Variants in MROH9 observed in about 807,000 individuals in gnomAD.
MROH9 encodes the protein maestro heat-like repeat-containing protein family member 9.
A neutral mutation model predicts 98.2 loss-of-function variants in MROH9; 92 were observed. The ratio of observed to expected loss-of-function variants is 0.94; its 90% CI spans 0.79 to 1.11. The LOEUF (loss-of-function observed/expected upper bound fraction) is 1.11. Ranked by LOEUF, MROH9 falls within the 50% of genes most tolerant of loss-of-function variation. MROH9 has a pLI of 0.00. For synonymous variants in MROH9, 397 were observed against 368.9 expected, an observed-to-expected ratio of 1.08 and a Z score of -0.87; for missense variants, 1,057 against 1,014.8, an observed-to-expected ratio of 1.04 and a Z score of -0.57.
intron 8 of MROH9, among the ~76,000 whole-genome samples, chr1:170,973,514 C>T (rs1275227391): frequency 6.6e-6 from 1 of 151,848 alleles, no homozygotes; most frequent in Admixed American, 6.6e-5. Context: ...AAGAATACCC[C>T]TAGAAATAAA....
chr1:170,959,350 G>A (rs1296985923), intron 4 of MROH9, 112 bp from the exon 5 acceptor site: 1 of 987,978 alleles, frequency 1.0e-6, no homozygotes, highest in Non-Finnish European at 1.4e-6. Flanking sequence ...ACTCCAGCCT[G>A]GGTGACAGAG....
chr1:170,978,710 G>T (rs1445357662), intron 8 of MROH9, among the ~76,000 whole-genome samples: 1 of 151,978 alleles, frequency 6.6e-6, no homozygotes. Context: ...GGGGACAGGT[G>T]GGAGCAGGGT....
At chr1:171,039,227 T>C (rs1653214327) in intron 20 of MROH9, among the ~76,000 whole-genome samples, 2 of 152,216 alleles carry the variant, frequency 1.3e-5, no homozygotes, top group Admixed American at 1.3e-4. Context: ...GTAGGTCTTT[T>C]TGCATAATGT....
At chr1:170,994,727 C>A (rs1651493607) in intron 12 of MROH9, among the ~76,000 whole-genome samples, 2 of 152,068 alleles carry the variant, frequency 1.3e-5, no homozygotes, top group African/African-American at 4.8e-5. Flanking sequence ...CATTAACCAT[C>A]CCCACCTCCC....
At chr1:171,016,600 C>A (rs1652335608) in intron 17 of MROH9, among the ~76,000 whole-genome samples, 1 of 152,046 alleles carries the variant, frequency 6.6e-6, no homozygotes, top group African/African-American at 2.4e-5. Flanking sequence ...TACTGATTAA[C>A]CCTATATCTG....
chr1:170,960,832 T>C lies in MROH9; in HGVS notation c.289-1058T>C, dbSNP rs545533169. Among the ~76,000 whole-genome samples, 3 of 152,302 alleles carry C rather than the reference T, an allele frequency of 2.0e-5. No individual in the cohort carries two copies. The South Asian group carries it at 6.2e-4, about 32-fold the overall frequency. On this transcript the variant is annotated intron_variant, in intron 5 of 21. Coordinates refer to ENST00000367759, the MANE Select transcript of MROH9 (RefSeq NM_001163629.2). ...TTTATAGAGATGAGTTCTCACTATGTTGTCCAAGCTGGTCTCAAACTCCTG... is the reference window on the plus strand; with the variant it reads ...TTTATAGAGATGAGTTCTCACTATGCTGTCCAAGCTGGTCTCAAACTCCTG...
At chr1:170,964,960 T>C (rs1484269938) in intron 6 of MROH9, among the ~76,000 whole-genome samples, 191 bp from the exon 7 acceptor site, 1 of 152,048 alleles carries the variant, frequency 6.6e-6, no homozygotes, top group South Asian at 2.1e-4. Flanking sequence ...AAAACCCAGA[T>C]ACAGTTTCCA....
intron 17 of MROH9, among the ~76,000 whole-genome samples, chr1:171,022,173 G>T (rs997638318): frequency 6.6e-6 from 1 of 152,186 alleles, no homozygotes; most frequent in African/African-American, 2.4e-5. Flanking sequence ...TTCAACTATT[G>T]TGGAATAAAG....
intron 3 of MROH9, 93 bp from the exon 4 acceptor site, chr1:170,958,367 CT>C: frequency 1.5e-6 from 1 of 668,978 alleles, no homozygotes; most frequent in South Asian, 2.6e-5. Context: ...CCTTTAGTCT[CT>C]GTAAAAGGAA....
At chr1:170,995,915 T>C (rs753807664) in intron 13 of MROH9, among the ~76,000 whole-genome samples, 5 of 152,142 alleles carry the variant, frequency 3.3e-5, no homozygotes, top group African/African-American at 7.2e-5. Context: ...TTATTATACA[T>C]ATAAGATTAA....
intron 12 of MROH9, among the ~76,000 whole-genome samples, chr1:170,994,249 A>G (rs1023261783): frequency 6.6e-6 from 1 of 152,202 alleles, no homozygotes; most frequent in African/African-American, 2.4e-5. Flanking sequence ...TTGTCCACCA[A>G]GGGATTTCAG....
intron 8 of MROH9, among the ~76,000 whole-genome samples, chr1:170,975,162 T>TA (rs1353356991): frequency 6.6e-6 from 1 of 151,924 alleles, no homozygotes; most frequent in African/African-American, 2.4e-5. Context: ...ATACCCCAAG[T>TA]AAAAAGGCAG....
At chr1:170,964,884 G>A (rs1228021808) in intron 6 of MROH9, among the ~76,000 whole-genome samples, 2 of 152,014 alleles carry the variant, frequency 1.3e-5, no homozygotes, top group African/African-American at 2.4e-5. Context: ...ACTATTCATG[G>A]TGCCTAACAA....
intron 3 of MROH9, among the ~76,000 whole-genome samples, chr1:170,954,737 T>A (rs1368780627): frequency 1.3e-5 from 2 of 152,110 alleles, no homozygotes; most frequent in Admixed American, 6.6e-5. Flanking sequence ...TCACTGTGAT[T>A]TTAATTTGCA....
At chr1:171,023,770 A>G (rs1440855023) in intron 17 of MROH9, among the ~76,000 whole-genome samples, 1 of 146,408 alleles carries the variant, frequency 6.8e-6, no homozygotes, top group Admixed American at 7.1e-5. Flanking sequence ...AACGTTTGAG[A>G]TCTAATCTCT....
At chr1:170,974,514 T>C (rs972732370) in intron 8 of MROH9, among the ~76,000 whole-genome samples, 5 of 151,454 alleles carry the variant, frequency 3.3e-5, no homozygotes, top group African/African-American at 9.7e-5. Flanking sequence ...AGGAACATCA[T>C]AAAATACAGA....
chr1:171,037,678 G>A lies in MROH9; in HGVS notation c.2281+12258G>A, dbSNP rs190243286. On this transcript the variant is annotated intron_variant, in intron 20 of 21. Transcript: ENST00000367759. ...ACTCTAACTGAAAAGAATAATGACA[G>A]AGGACTAGCCCTATCATACATCAAT... is the stretch of plus-strand genomic sequence containing the variant. 9.2e-5 allele frequency among the ~76,000 whole-genome samples: 14 copies of A among 152,050 alleles called. 1 individual carries two copies. The East Asian group carries it at 2.7e-3, about 29-fold the overall frequency.
intron 7 of MROH9, among the ~76,000 whole-genome samples, chr1:170,965,955 T>C (rs796782400): frequency 4.6e-5 from 7 of 152,230 alleles, no homozygotes; most frequent in African/African-American, 1.7e-4. Context: ...ATATAGCCCA[T>C]AGTTTTGACA....
At chr1:171,053,871 G>A (rs2101870903) in intron 20 of MROH9, among the ~76,000 whole-genome samples, 1 of 152,118 alleles carries the variant, frequency 6.6e-6, no homozygotes, top group East Asian at 1.9e-4. Context: ...ATCAGACATG[G>A]CTAAATGGTC....
Sources: allele counts gnomAD v4.1 joint callset (sites outside exome capture counted in the v4.1 genomes callset), GRCh38; gene constraint gnomAD v4.1.1; transcripts MANE v1.5; gene names NCBI Gene and HGNC (gene_info 2026-07-23, HGNC 2026-07-21).